Variants in SLC15A5 observed in about 807,000 individuals in gnomAD.
The protein encoded by SLC15A5 is Peptide/histidine transporter ENSP00000340402.
SLC15A5 carries 58 observed loss-of-function variants against 56.1 expected under a neutral mutation model. The ratio of observed to expected loss-of-function variants is 1.03; its 90% confidence interval spans 0.84 to 1.29. The LOEUF (loss-of-function observed/expected upper bound fraction) is 1.29. Among genes scored for constraint, SLC15A5 ranks in the 50% most tolerant of loss-of-function variants. The pLI, the probability that SLC15A5 is intolerant of heterozygous loss-of-function variation, is 0.00. For missense variants in SLC15A5, 681 were observed against 672.1 expected (o/e 1.01, Z -0.15); for synonymous variants, 264 against 250.5 (o/e 1.05, Z -0.51).
At chr12:16,219,413 C>G (rs939747540) in intron 6 of SLC15A5, among the ~76,000 whole-genome samples, 1 of 152,272 alleles carries the variant, frequency 6.6e-6, no homozygotes, top group Admixed American at 6.5e-5. Flanking sequence ...TATAAACTTT[C>G]CTTTCCATAA....
At chr12:16,207,931 G>C (rs2136242718) in intron 7 of SLC15A5, among the ~76,000 whole-genome samples, 1 of 152,258 alleles carries the variant, frequency 6.6e-6, no homozygotes, top group East Asian at 1.9e-4. Context: ...GGGATTACAG[G>C]CGTGAGCCAC....
At chr12:16,239,659 G>C in intron 5 of SLC15A5, 22 bp downstream of exon 5, 1 of 1,529,258 alleles carries the variant, frequency 6.5e-7, no homozygotes, top group Non-Finnish European at 8.8e-7. Flanking sequence ...CGATTCGCAT[G>C]AAATGGTTAA....
Position 16,196,964 on chromosome 12 carries a change from A to G in SLC15A5, c.1484-2511T>C, listed in dbSNP as rs3864920. 0.48 allele frequency among the ~76,000 whole-genome samples: 73,114 copies of G among 151,684 alleles called. 18,103 individuals are homozygous for G. The highest frequency in any genetic ancestry group is 0.72 in the South Asian group (3,440 of 4,790). On this transcript the variant is annotated intron_variant, in intron 7 of 8. Coordinates refer to ENST00000344941, the MANE Select transcript of SLC15A5 (RefSeq NM_001170798.1). The surrounding 1 kb of genome is among the most constrained non-coding windows in gnomAD (Gnocchi z 4.0). Reference sequence around the variant, plus strand: ...GTGGAAAACAGAAATGACAAGTACTATGACTTGGTATTTGGGAGTTTGTGG... The same window carrying G: ...GTGGAAAACAGAAATGACAAGTACTGTGACTTGGTATTTGGGAGTTTGTGG...
rs1351336558 is a variant in SLC15A5 at position 16,277,574 on chromosome 12, TCA to T, written c.110_111del (p.Val37GlufsTer16). The T allele has an allele frequency of 8.5e-6, 13 of 1,536,414 alleles. No homozygotes were observed. The highest frequency in any genetic ancestry group is 1.4e-5 in the African/African-American group (1 of 72,984). ...HIGDLCSSHS[V>X]KKIQVGICLL... Reference sequence around the variant, plus strand: ...AAGCAGATTCCAACCTGAATTTTTTTCACAGAGTGTGAGGAACACAAATCGCC... The same window carrying T: ...AAGCAGATTCCAACCTGAATTTTTTTCAGAGTGTGAGGAACACAAATCGCC... On this transcript the variant is annotated frameshift_variant, in exon 1 of 9. Transcript: ENST00000344941. LOFTEE classifies it high-confidence loss of function.
rs1446151888 is a variant in SLC15A5, at chr12:16,271,893, T to C, written c.584+668A>G. Among the ~76,000 whole-genome samples, 2 of 152,222 alleles carry C rather than the reference T, an allele frequency of 1.3e-5. No homozygotes were observed. Among genetic ancestry groups the C allele is most frequent in the Non-Finnish European group, 2.9e-5 (2 of 68,032 alleles). ...GAGAGACAAAGATTCACAGGAAGGC[T>C]GTTTGATTTTCATGGAATATAAACT... On this transcript the variant is annotated intron_variant, in intron 2 of 8. Coordinates refer to ENST00000344941, the MANE Select transcript of SLC15A5 (RefSeq NM_001170798.1). The surrounding 1 kb of genome is among the most constrained non-coding windows in gnomAD (Gnocchi z 8.0).
intron 5 of SLC15A5, among the ~76,000 whole-genome samples, chr12:16,238,291 C>A (rs1864371668): frequency 6.6e-6 from 1 of 152,044 alleles, no homozygotes; most frequent in African/African-American, 2.4e-5. Context: ...ACAAAAAATA[C>A]CTGTGACTAG....
At position 16,244,709 on chromosome 12, in the gene SLC15A5, G is replaced by C. The variant is rs1192680747; in HGVS notation, c.846C>G (p.Ser282Arg). The change falls in exon 4 of 9, where the codon AGC becomes AGG. Residue 282 changes from serine (S) to arginine (R), a missense_variant. Ser to Arg is a moderately radical substitution (Grantham distance 110). Coordinates refer to ENST00000344941, the MANE Select transcript of SLC15A5 (RefSeq NM_001170798.1). ...QYCHLGRDVT[S>R]QLDHAKEKNG... ...TTTTTTCTTTGGCATGGTCTAACTG[G>C]CTTGTCACGTCTCTGCCAAGATGGC... 15 of 1,537,554 alleles carry C rather than the reference G, an allele frequency of 9.8e-6. No individual in the cohort carries two copies. The South Asian group carries it at 1.5e-4, about 16-fold the overall frequency.
At chr12:16,224,077 G>T (rs1485212825) in intron 6 of SLC15A5, among the ~76,000 whole-genome samples, 1 of 152,116 alleles carries the variant, frequency 6.6e-6, no homozygotes, top group Non-Finnish European at 1.5e-5. Flanking sequence ...AAGAGAAGAG[G>T]CTTTACATCT....
intron 7 of SLC15A5, among the ~76,000 whole-genome samples, chr12:16,210,679 A>G (rs1342404215): frequency 6.6e-6 from 1 of 152,154 alleles, no homozygotes; most frequent in Non-Finnish European, 1.5e-5. Flanking sequence ...TGGTTAAGTA[A>G]TGAGCTCAAG....
chr12:16,272,629 G>T lies in SLC15A5; in HGVS notation c.516C>A (p.Ile172=), dbSNP rs369297132. 4 of 1,536,988 alleles carry T rather than the reference G, an allele frequency of 2.6e-6. No homozygotes were observed. The highest frequency in any genetic ancestry group is 1.7e-4 in the Middle Eastern group (1 of 5,990). ...ICLGIGGVRA[I]VCPLGAFGLQ... ...GGCCAAAAGCACCCAGTGGACAGAC[G>T]ATGGCTCTTACGCCTCCAATGCCAA... is the stretch of plus-strand genomic sequence containing the variant. Residue 172 remains isoleucine (I), a synonymous_variant, in exon 2 of 9, where the codon ATC becomes ATA. Transcript: ENST00000344941.
chr12:16,196,737 A>G lies in SLC15A5; in HGVS notation c.1484-2284T>C, dbSNP rs2136238337. Among the ~76,000 whole-genome samples the G allele has an allele frequency of 6.6e-6, 1 of 152,258 alleles. No homozygotes were observed. Among genetic ancestry groups the G allele is most frequent in the East Asian group, 1.9e-4 (1 of 5,176 alleles). On this transcript the variant is annotated intron_variant, in intron 7 of 8. Coordinates refer to ENST00000344941, the MANE Select transcript of SLC15A5 (RefSeq NM_001170798.1). The surrounding 1 kb of genome is among the most constrained non-coding windows in gnomAD (Gnocchi z 4.0). ...TGACATTAATTCTTCTTGGAGCATG[A>G]ATTCTGGTCCATAATAAGTAATTGA...
At chr12:16,260,759 T>A (rs1467473837) in intron 2 of SLC15A5, among the ~76,000 whole-genome samples, 1 of 44,714 alleles carries the variant, frequency 2.2e-5, no homozygotes, top group Non-Finnish European at 4.5e-5. Context: ...TATTTTCCCG[T>A]TTTTTTTTTT....
At chr12:16,206,676 C>T (rs1864022903) in intron 7 of SLC15A5, among the ~76,000 whole-genome samples, 1 of 152,148 alleles carries the variant, frequency 6.6e-6, no homozygotes, top group East Asian at 1.9e-4. Context: ...GAGATTGGGC[C>T]TCAGATCTGC....
At chr12:16,261,264 G>A (rs1565673622) in intron 2 of SLC15A5, among the ~76,000 whole-genome samples, 1 of 151,842 alleles carries the variant, frequency 6.6e-6, no homozygotes, top group African/African-American at 2.4e-5. Context: ...CTCATCTCCA[G>A]GAAACCACTG....
At chr12:16,250,590 CG>C (rs1864510056) in intron 3 of SLC15A5, among the ~76,000 whole-genome samples, 2 of 151,710 alleles carry the variant, frequency 1.3e-5, no homozygotes, top group African/African-American at 4.8e-5. Flanking sequence ...GAAGTGCAAG[CG>C]AAAGTACGCA....
At position 16,189,478 on chromosome 12, in the gene SLC15A5, CAT is replaced by C. The variant is rs1467768778; in HGVS notation, c.*188_*189del. On this transcript the variant is annotated 3_prime_UTR_variant, in exon 9 of 9. Transcript: ENST00000344941. ...TATTTTATTAATTCTAATGCTATAA[CAT>C]GTTAATGCAAAAGCATGACAGTTTA... is the stretch of plus-strand genomic sequence containing the variant. 2.4e-6 allele frequency: 1 copy of C among 410,274 alleles called. No homozygotes were observed. Among genetic ancestry groups the C allele is most frequent in the Non-Finnish European group, 4.1e-6 (1 of 242,986 alleles). The allele number at this position is 410,274 out of a possible 1,614,324, so 25.4% of individuals were successfully genotyped here. A position where few individuals can be genotyped will look rare whatever the true frequency, so the allele number is the denominator to read the frequency against.
intron 7 of SLC15A5, among the ~76,000 whole-genome samples, chr12:16,204,864 G>A (rs1671526): frequency 0.72 from 109,571 of 151,908 alleles, 39,871 homozygotes; most frequent in East Asian, 0.99. Context: ...AGTAAAATTA[G>A]TCCAAAATGG....
At chr12:16,217,107 G>C in intron 6 of SLC15A5, 83 bp from the exon 7 acceptor site, 1 of 1,374,082 alleles carries the variant, frequency 7.3e-7, no homozygotes, top group Non-Finnish European at 9.5e-7. Flanking sequence ...TGTTGATCAT[G>C]TATCAAAGAA....
At chr12:16,190,301 A>G (rs77131322) in intron 8 of SLC15A5, among the ~76,000 whole-genome samples, 1 of 152,164 alleles carries the variant, frequency 6.6e-6, no homozygotes, top group South Asian at 2.1e-4. Flanking sequence ...AGCCCCATGC[A>G]AGGGTGGGAT....
Sources: allele counts gnomAD v4.1 joint callset (sites outside exome capture counted in the v4.1 genomes callset), GRCh38; gene constraint gnomAD v4.1.1; non-coding constraint Gnocchi (gnomAD v3.1); transcripts MANE v1.5; gene names NCBI Gene and HGNC (gene_info 2026-07-23, HGNC 2026-07-21).